The following WFDC8 variants were observed in gnomAD, a reference collection of about 807,000 sequenced individuals.
WFDC8 encodes WAP four-disulfide core domain 8.
In WFDC8, 24 loss-of-function variants were observed where a neutral mutation model predicts 27.0. That is an observed-to-expected ratio of 0.89 (90% confidence interval 0.64 to 1.25). The LOEUF (loss-of-function observed/expected upper bound fraction) is 1.25, where lower values mean the gene tolerates loss of function less well. Among genes scored for constraint, WFDC8 ranks in the 50% most tolerant of loss-of-function variants. WFDC8 has a pLI of 0.00. For missense variants in WFDC8, 287 were observed against 295.9 expected (o/e 0.97, Z 0.22); for synonymous variants, 106 against 99.7 (o/e 1.06, Z -0.38).
chr20:45,553,316 C>T (rs1174647787), intron 4 of WFDC8, 40 bp from the exon 5 acceptor site: 1 of 1,588,120 alleles, frequency 6.3e-7, no homozygotes, highest in East Asian at 2.2e-5. Context: ...AAACCCCACC[C>T]CCATCCCACC....
At chr20:45,573,637 TA>T (rs1361743307) in intron 1 of WFDC8, among the ~76,000 whole-genome samples, 1 of 152,218 alleles carries the variant, frequency 6.6e-6, no homozygotes, top group Admixed American at 6.5e-5. Flanking sequence ...ATTATTTCAT[TA>T]TTTTTTATGG....
intron 1 of WFDC8, among the ~76,000 whole-genome samples, chr20:45,564,225 G>T (rs1228076422): frequency 6.6e-6 from 1 of 152,132 alleles, no homozygotes; most frequent in Non-Finnish European, 1.5e-5. Context: ...TACTAGGACA[G>T]ACCTGGAATA....
At chr20:45,561,739 CGTGTGT>C (rs10534885) in intron 2 of WFDC8, among the ~76,000 whole-genome samples, 2,645 of 147,832 alleles carry the variant, frequency 0.018, 95 homozygotes, top group Admixed American at 0.1. Context: ...ATTAAACTTG[CGTGTGT>C]GTGTGTGTGT....
intron 1 of WFDC8, 100 bp downstream of exon 1, chr20:45,579,122 T>G: frequency 8.3e-7 from 1 of 1,206,166 alleles, no homozygotes. Context: ...TTGGCCCAAC[T>G]CCCCACAGCC....
At chr20:45,556,646 G>A (rs968290154) in intron 3 of WFDC8, among the ~76,000 whole-genome samples, 3 of 152,226 alleles carry the variant, frequency 2.0e-5, no homozygotes, top group East Asian at 1.9e-4. Context: ...AGAGCTCAAC[G>A]TCAACCATTC....
chr20:45,565,045 A>G (rs1980622335), intron 1 of WFDC8, among the ~76,000 whole-genome samples: 1 of 119,374 alleles, frequency 8.4e-6, no homozygotes. Flanking sequence ...AGAAGAAAGG[A>G]AGGAAGGAAG....
intron 1 of WFDC8, among the ~76,000 whole-genome samples, chr20:45,577,992 G>A (rs1981103541): frequency 6.7e-6 from 1 of 150,208 alleles, no homozygotes; most frequent in South Asian, 2.1e-4. Context: ...GGGGGACAGA[G>A]AGAGATTCCC....
Position 45,551,909 on chromosome 20 carries a change from A to T in WFDC8, c.*117T>A. On this transcript the variant is annotated 3_prime_UTR_variant, in exon 6 of 6. Coordinates refer to ENST00000289953, the MANE Select transcript of WFDC8 (RefSeq NM_130896.3). ...TTATATATAAAATCAAAGTAACATC[A>T]TTCAATATTGTGATACTTAAGATAA... 8.0e-7 allele frequency: 1 copy of T among 1,255,364 alleles called. No homozygotes were observed. Among genetic ancestry groups the T allele is most frequent in the South Asian group, 1.5e-5 (1 of 64,920 alleles). The allele number at this position is 1,255,364 out of a possible 1,614,324, so 77.8% of individuals were successfully genotyped here.
downstream of WFDC8, chr20:45,551,444 A>G (rs1342227445): frequency 1.3e-5 from 2 of 152,198 alleles, no homozygotes; most frequent in East Asian, 3.8e-4. Context: ...CTTGGCCAAC[A>G]TGGTAAAACC....
At position 45,561,526 on chromosome 20, in the gene WFDC8, C is replaced by A. The variant is rs530970676; in HGVS notation, c.136+584G>T. On this transcript the variant is annotated intron_variant, in intron 2 of 5. Transcript: ENST00000289953. ...GAGATTCACTCCTTCCTCTCCGCCA[C>A]CCCAGTATCCCATCACTCATGGACT... Among the ~76,000 whole-genome samples the A allele has an allele frequency of 2.6e-5, 4 of 152,284 alleles. No individual in the cohort carries two copies. The South Asian group carries it at 8.3e-4, about 32-fold the overall frequency.
At chr20:45,557,771 A>G (rs1310758717) in intron 3 of WFDC8, among the ~76,000 whole-genome samples, 5 of 152,186 alleles carry the variant, frequency 3.3e-5, no homozygotes, top group Non-Finnish European at 7.3e-5. Flanking sequence ...ATGATTTAAA[A>G]TTCACGGTCC....
At chr20:45,572,511 T>C (rs1208369711) in intron 1 of WFDC8, among the ~76,000 whole-genome samples, 1 of 152,162 alleles carries the variant, frequency 6.6e-6, no homozygotes, top group Non-Finnish European at 1.5e-5. Context: ...TACCTCATTG[T>C]GATTTTAATT....
In WFDC8 at chr20:45,578,936, G is replaced by A. The variant is rs544247160; in HGVS notation, c.26+286C>T. ...AGCCTGGCCAACATGGTGAAACCCC[G>A]TCTCTACTAAAAATGCAAAACTTAG... On this transcript the variant is annotated intron_variant, in intron 1 of 5. Transcript: ENST00000289953. Among the ~76,000 whole-genome samples the A allele has an allele frequency of 3.3e-5, 5 of 152,092 alleles. No homozygotes were observed. In the East Asian group the frequency reaches 5.8e-4, roughly 18 times the overall value.
chr20:45,553,232 C>T lies in WFDC8; in HGVS notation c.490G>A (p.Glu164Lys). 3 of 1,613,830 alleles carry T rather than the reference C, an allele frequency of 1.9e-6. No individual in the cohort carries two copies. Among genetic ancestry groups the T allele is most frequent in the Middle Eastern group, 1.7e-4 (1 of 6,058 alleles). Residue 164 changes from glutamate to lysine, a missense_variant, in exon 5 of 6, where the codon GAG becomes AAG. Glu to Lys is a moderately conservative substitution (Grantham distance 56). Coordinates refer to ENST00000289953, the MANE Select transcript of WFDC8 (RefSeq NM_130896.3). ...CPLFPFTERK[E>K]CPPSCHSDID... ...TCACTGTGACATGAAGGTGGACACT[C>T]CTTACGTTCAGTGAAAGGGAAGAGT...
intron 4 of WFDC8, among the ~76,000 whole-genome samples, chr20:45,555,213 A>G (rs560132058): frequency 6.6e-6 from 1 of 152,314 alleles, no homozygotes; most frequent in Admixed American, 6.5e-5. Context: ...GTTTCCCAAC[A>G]TTGCTGGTGA....
intron 4 of WFDC8, among the ~76,000 whole-genome samples, chr20:45,553,763 G>C (rs1419782868): frequency 6.6e-6 from 1 of 152,160 alleles, no homozygotes; most frequent in Non-Finnish European, 1.5e-5. Flanking sequence ...CAAGTAAGAA[G>C]ATGGCTCTTC....
Position 45,576,911 on chromosome 20 carries a change from A to G in WFDC8, c.26+2311T>C, listed in dbSNP as rs189031167. Among the ~76,000 whole-genome samples, 73 of 151,522 alleles carry G rather than the reference A, an allele frequency of 4.8e-4. 2 individuals are homozygous for G. The highest frequency in any genetic ancestry group is 1.7e-3 in the African/African-American group (71 of 41,474). ...GGGCACTAATGACATATTTGGATTC[A>G]TTTCTACAATTTTATTACAAGTTAT... On this transcript the variant is annotated intron_variant, in intron 1 of 5. Coordinates refer to ENST00000289953, the MANE Select transcript of WFDC8 (RefSeq NM_130896.3).
chr20:45,552,946 G>T (rs375848212), intron 5 of WFDC8, among the ~76,000 whole-genome samples, 190 bp downstream of exon 5: 30 of 152,310 alleles, frequency 2.0e-4, no homozygotes, highest in African/African-American at 5.5e-4. Context: ...TGGCTTTGAA[G>T]AACAGCACAA....
chr20:45,571,164 C>T (rs1277753586), intron 1 of WFDC8, among the ~76,000 whole-genome samples: 1 of 151,878 alleles, frequency 6.6e-6, no homozygotes, highest in African/African-American at 2.4e-5. Context: ...TTTTATTTTC[C>T]ATGTCTGATT....
Sources: gnomAD v4.1 joint callset for allele counts (sites outside exome capture counted in the v4.1 genomes callset) on GRCh38, gnomAD v4.1.1 for gene constraint, MANE v1.5 for transcripts, NCBI Gene and HGNC (gene_info 2026-07-23, HGNC 2026-07-21) for gene names.